The following RALYL variants were observed in gnomAD, a reference collection of about 807,000 sequenced individuals.
RALYL encodes RNA-binding Raly-like protein.
A neutral mutation model predicts 35.1 loss-of-function variants in RALYL; 29 were observed. The ratio of observed to expected loss-of-function variants is 0.83; its 90% CI spans 0.61 to 1.13. The LOEUF (loss-of-function observed/expected upper bound fraction) is 1.13. RALYL is among the 50% of genes most tolerant of loss of function. The probability of loss-of-function intolerance (pLI) is 0.00; values close to 1 mark genes in which losing one functional copy is unlikely to be tolerated. For missense variants in RALYL, 359 were observed against 360.4 expected (o/e 1.00, Z 0.03); for synonymous variants, 120 against 127.6 (o/e 0.94, Z 0.40).
chr8:84,892,473 G>C (rs894170036), intron 8 of RALYL, among the ~76,000 whole-genome samples: 4 of 152,050 alleles, frequency 2.6e-5, no homozygotes, highest in Non-Finnish European at 5.9e-5. Flanking sequence ...AGCCGGGCAT[G>C]GTAGCAGGTA....
chr8:84,869,839 TA>T (rs760453826), intron 6 of RALYL, among the ~76,000 whole-genome samples: 10 of 152,212 alleles, frequency 6.6e-5, no homozygotes, highest in Non-Finnish European at 1.3e-4. Context: ...CACAGATTTT[TA>T]TATAGACAGA....
At chr8:84,367,284 C>A in intron 1 of RALYL, among the ~76,000 whole-genome samples, 1 of 129,086 alleles carries the variant, frequency 7.7e-6, no homozygotes, top group African/African-American at 2.7e-5. Flanking sequence ...GCTGGGATTA[C>A]AAGTGCCTGC....
At chr8:84,396,673 T>A (rs180759765) in intron 1 of RALYL, among the ~76,000 whole-genome samples, 3 of 152,146 alleles carry the variant, frequency 2.0e-5, no homozygotes, top group Non-Finnish European at 4.4e-5. Flanking sequence ...ATATTAGTAA[T>A]GTCCACCTAT....
intron 1 of RALYL, chr8:84,184,810 G>A (rs968277669): frequency 1.6e-6 from 1 of 635,650 alleles, no homozygotes; most frequent in East Asian, 2.8e-5. Flanking sequence ...GGCCGTGTAC[G>A]TGGCGCTGGC....
rs1317485610 is a variant in RALYL at position 84,619,510 on chromosome 8, T to C, written c.256+89933T>C. On this transcript the variant is annotated intron_variant, in intron 2 of 8. Coordinates refer to ENST00000521268, the MANE Select transcript of RALYL (RefSeq NM_173848.7). Reference sequence around the variant, plus strand: ...GTCTCTGCACGTGAGATGGGTTTCCTGAATACAGCACACTGATGGGTCTTG... The same window carrying C: ...GTCTCTGCACGTGAGATGGGTTTCCCGAATACAGCACACTGATGGGTCTTG... Among the ~76,000 whole-genome samples the C allele has an allele frequency of 3.9e-4, 58 of 147,110 alleles. 1 individual carries two copies. Among genetic ancestry groups the C allele is most frequent in the African/African-American group, 1.4e-3 (56 of 38,780 alleles).
At chr8:84,809,605 T>G (rs1825446900) in intron 4 of RALYL, among the ~76,000 whole-genome samples, 1 of 152,184 alleles carries the variant, frequency 6.6e-6, no homozygotes. Flanking sequence ...TGAATCCATC[T>G]GGTCCTGGAC....
At chr8:84,272,444 A>C (rs928283132) in intron 1 of RALYL, among the ~76,000 whole-genome samples, 1 of 152,184 alleles carries the variant, frequency 6.6e-6, no homozygotes, top group Non-Finnish European at 1.5e-5. Flanking sequence ...AAAAGCATCC[A>C]TCTGGAGAGA....
At chr8:84,279,261 A>T (rs1836047586) in intron 1 of RALYL, among the ~76,000 whole-genome samples, 2 of 152,146 alleles carry the variant, frequency 1.3e-5, no homozygotes, top group South Asian at 4.1e-4. Flanking sequence ...ACATGTAGGG[A>T]TTATTACAAT....
At chr8:84,492,469 T>G (rs1030922761) in intron 1 of RALYL, among the ~76,000 whole-genome samples, 1 of 152,116 alleles carries the variant, frequency 6.6e-6, no homozygotes, top group African/African-American at 2.4e-5. Flanking sequence ...ACATTGAAAC[T>G]CCTTTGCTTA....
intron 1 of RALYL, among the ~76,000 whole-genome samples, chr8:84,194,472 A>G (rs1814735216): frequency 6.6e-6 from 1 of 152,198 alleles, no homozygotes; most frequent in Admixed American, 6.5e-5. Flanking sequence ...CAGTTACTAC[A>G]GAAATAAATT....
At chr8:84,254,990 C>A (rs916331900) in intron 1 of RALYL, among the ~76,000 whole-genome samples, 1 of 152,020 alleles carries the variant, frequency 6.6e-6, no homozygotes, top group African/African-American at 2.4e-5. Context: ...ATTATCTCCA[C>A]CTCGTCTCTC....
intron 8 of RALYL, among the ~76,000 whole-genome samples, chr8:84,907,305 T>G (rs1846656726): frequency 1.4e-5 from 1 of 69,346 alleles, no homozygotes; most frequent in Non-Finnish European, 3.0e-5. Flanking sequence ...AAATAAGATA[T>G]AGCGTCACAC....
At chr8:84,508,324 A>C (rs1177856892) in intron 1 of RALYL, among the ~76,000 whole-genome samples, 1 of 152,194 alleles carries the variant, frequency 6.6e-6, no homozygotes, top group African/African-American at 2.4e-5. Context: ...TGCATCACAC[A>C]TAGGAAGGCT....
intron 3 of RALYL, among the ~76,000 whole-genome samples, chr8:84,775,577 T>C (rs1317551382): frequency 6.6e-6 from 1 of 152,170 alleles, no homozygotes; most frequent in Non-Finnish European, 1.5e-5. Context: ...CAGATCCAAT[T>C]CCTTTAACCT....
chr8:84,444,534 G>T (rs1160142215), intron 1 of RALYL, among the ~76,000 whole-genome samples: 1 of 151,962 alleles, frequency 6.6e-6, no homozygotes, highest in Non-Finnish European at 1.5e-5. Flanking sequence ...GAAATGGTTA[G>T]GTATGCACGC....
intron 2 of RALYL, among the ~76,000 whole-genome samples, chr8:84,616,619 G>C (rs1368283270): frequency 6.6e-6 from 1 of 150,926 alleles, no homozygotes; most frequent in African/African-American, 2.5e-5. Context: ...TGTCAATTTT[G>C]GCTTTTGTTG....
chr8:84,279,062 C>T (rs1057000292), intron 1 of RALYL, among the ~76,000 whole-genome samples: 4 of 152,110 alleles, frequency 2.6e-5, no homozygotes, highest in African/African-American at 9.7e-5. Context: ...CTCACAGTCC[C>T]ACATGGCTGG....
intron 1 of RALYL, among the ~76,000 whole-genome samples, chr8:84,406,820 G>C (rs887626488): frequency 1.3e-5 from 2 of 152,036 alleles, no homozygotes; most frequent in African/African-American, 4.8e-5. Flanking sequence ...ATTGAAAAGA[G>C]ATAATGGGTG....
At chr8:84,721,550 C>T (rs1489177814) in intron 2 of RALYL, among the ~76,000 whole-genome samples, 1 of 152,184 alleles carries the variant, frequency 6.6e-6, no homozygotes, top group Non-Finnish European at 1.5e-5. Context: ...TCTGTTTCCT[C>T]CCCCATCAAG....
Sources: gnomAD v4.1 joint callset for allele counts (sites outside exome capture counted in the v4.1 genomes callset) on GRCh38, gnomAD v4.1.1 for gene constraint, MANE v1.5 for transcripts, NCBI Gene and HGNC (gene_info 2026-07-23, HGNC 2026-07-21) for gene names.